Variants in TTC7B observed in about 807,000 individuals in gnomAD.
The protein encoded by TTC7B is tetratricopeptide repeat protein 7B.
In TTC7B, 28 loss-of-function variants were observed where a neutral mutation model predicts 106.8. The ratio of observed to expected loss-of-function variants is 0.26; its 90% CI spans 0.19 to 0.36. The LOEUF (loss-of-function observed/expected upper bound fraction) is 0.36, where lower values mean the gene tolerates loss of function less well. Ranked by LOEUF, TTC7B falls within the 10% of genes least tolerant of loss-of-function variation. The pLI is 1.00. For synonymous variants in TTC7B, 405 were observed against 430.6 expected (o/e 0.94, Z 0.74); for missense variants, 862 against 1,076.4 (o/e 0.80, Z 2.79).
rs532515825 is a variant in TTC7B at position 90,593,707 on chromosome 14, G to A, written c.1967-81C>T. 1.6e-5 allele frequency: 21 copies of A among 1,347,502 alleles called. No homozygotes were observed. The South Asian group carries it at 1.7e-4, about 11-fold the overall frequency. 83.5% of individuals were successfully genotyped at this position (1,347,502 alleles called of 1,614,324 possible). On this transcript the variant is annotated intron_variant, in intron 17 of 19. Coordinates refer to ENST00000328459, the MANE Select transcript of TTC7B (RefSeq NM_001010854.2). Reference sequence around the variant, plus strand: ...TCAACCCCTTCCCACACAGACAAGCGCGGAACACACACACCCCTTCCCCCA... The same window carrying A: ...TCAACCCCTTCCCACACAGACAAGCACGGAACACACACACCCCTTCCCCCA...
At chr14:90,613,719 T>C (rs1314467874) in intron 16 of TTC7B, among the ~76,000 whole-genome samples, 1 of 152,178 alleles carries the variant, frequency 6.6e-6, no homozygotes, top group African/African-American at 2.4e-5. Context: ...GCCGGGCCCT[T>C]AGGCTGCCAG....
intron 5 of TTC7B, among the ~76,000 whole-genome samples, chr14:90,711,898 A>G (rs1436406808): frequency 1.3e-5 from 2 of 152,218 alleles, no homozygotes; most frequent in Non-Finnish European, 1.5e-5. Flanking sequence ...TGTAAATCCA[A>G]TCATATCAAT....
intron 15 of TTC7B, among the ~76,000 whole-genome samples, chr14:90,622,333 G>A (rs543025636): frequency 9.9e-5 from 15 of 152,030 alleles, no homozygotes; most frequent in Admixed American, 8.5e-4. Context: ...TGGGCAGGCT[G>A]GCCTTGAACT....
intron 1 of TTC7B, among the ~76,000 whole-genome samples, chr14:90,801,221 T>G (rs1180155705): frequency 2.3e-5 from 1 of 44,228 alleles, no homozygotes; most frequent in Admixed American, 3.3e-4. Flanking sequence ...CAAGACCCTA[T>G]CAAAAAAAAA....
chr14:90,744,675 T>C lies in TTC7B; in HGVS notation c.576+117A>G. On this transcript the variant is annotated intron_variant, in intron 4 of 19. Transcript: ENST00000328459. ...TCTCCTTAGCTTTAAGGAGTACAAGTAAAGCTTTGCACACAGAGACAGACA... is the reference window on the plus strand; with the variant it reads ...TCTCCTTAGCTTTAAGGAGTACAAGCAAAGCTTTGCACACAGAGACAGACA... The C allele has an allele frequency of 2.7e-6, 3 of 1,098,196 alleles. No individual in the cohort carries two copies. In the South Asian group the frequency reaches 4.5e-5, roughly 17 times the overall value. The allele number at this position is 1,098,196 out of a possible 1,614,324, so 68.0% of individuals were successfully genotyped here.
intron 5 of TTC7B, among the ~76,000 whole-genome samples, chr14:90,695,792 T>C (rs1887722318): frequency 6.6e-6 from 1 of 151,800 alleles, no homozygotes; most frequent in Non-Finnish European, 1.5e-5. Context: ...GCACATTTTC[T>C]CTAAAAAATA....
intron 5 of TTC7B, among the ~76,000 whole-genome samples, chr14:90,708,500 T>C (rs1052368441): frequency 2.0e-5 from 3 of 152,170 alleles, no homozygotes; most frequent in Non-Finnish European, 4.4e-5. Context: ...GCTCTGTAAA[T>C]GGAACAATAA....
rs942877614 is a variant in TTC7B at position 90,808,206 on chromosome 14, G to A, written c.121+7969C>T. On this transcript the variant is annotated intron_variant, in intron 1 of 19. Coordinates refer to ENST00000328459, the MANE Select transcript of TTC7B (RefSeq NM_001010854.2). This position sits in a 1 kb window ranked among gnomAD's most constrained non-coding sequence, Gnocchi z 4.2. ...CACGCCTGTAATCCCAGCACTTTGG[G>A]AGGCCGAGGGAAGAAGATCACTTGA... Among the ~76,000 whole-genome samples, 1 of 152,222 alleles carries A rather than the reference G, an allele frequency of 6.6e-6. No homozygotes were observed. Among genetic ancestry groups the A allele is most frequent in the Non-Finnish European group, 1.5e-5 (1 of 68,052 alleles).
At chr14:90,728,413 G>T (rs1889196837) in intron 5 of TTC7B, among the ~76,000 whole-genome samples, 1 of 148,628 alleles carries the variant, frequency 6.7e-6, no homozygotes, top group South Asian at 2.1e-4. Flanking sequence ...AGAGCCCAGA[G>T]AGAAGAGCAA....
chr14:90,755,785 C>T (rs1218361844), intron 3 of TTC7B, among the ~76,000 whole-genome samples: 1 of 152,252 alleles, frequency 6.6e-6, no homozygotes, highest in Admixed American at 6.5e-5. Context: ...AGCTGCTTAA[C>T]ATCACACAGA....
At chr14:90,774,182 C>T (rs1482302684) in intron 3 of TTC7B, among the ~76,000 whole-genome samples, 3 of 152,122 alleles carry the variant, frequency 2.0e-5, no homozygotes, top group African/African-American at 7.2e-5. Context: ...ACCGAGATGT[C>T]TGAGGATCAC....
rs1889461869 is a variant in TTC7B at position 90,538,186 on chromosome 14, G to C, written c.*3182C>G. ...GGTAATTCCACAATGACCCCAGGCAGGTGTCCTGCCGTCTTAGTGTCTAGC... is the reference window on the plus strand; with the variant it reads ...GGTAATTCCACAATGACCCCAGGCACGTGTCCTGCCGTCTTAGTGTCTAGC... On this transcript the variant is annotated 3_prime_UTR_variant, in exon 20 of 20. Coordinates refer to ENST00000328459, the MANE Select transcript of TTC7B (RefSeq NM_001010854.2). 1 of 152,238 alleles carries C rather than the reference G, an allele frequency of 6.6e-6. No individual in the cohort carries two copies. The highest frequency in any genetic ancestry group is 1.5e-5 in the Non-Finnish European group (1 of 68,064). 9.4% of individuals were successfully genotyped at this position (152,238 alleles called of 1,614,324 possible). A position where few individuals can be genotyped will look rare whatever the true frequency, so the allele number is the denominator to read the frequency against.
At chr14:90,730,481 C>T (rs527408206) in intron 4 of TTC7B, among the ~76,000 whole-genome samples, 5 of 152,216 alleles carry the variant, frequency 3.3e-5, no homozygotes, top group South Asian at 2.1e-4. Context: ...GCACTAGAGG[C>T]GGAGAGGCCC....
In TTC7B at chr14:90,807,052, T is replaced by G. The variant is rs529897486; in HGVS notation, c.121+9123A>C. The stretch of plus-strand genomic sequence containing the variant: ...CTCCTGCCCGGGGTTCCTTTCCCCT[T>G]TGCTAAAATACCTCTATCTACCTGA... On this transcript the variant is annotated intron_variant, in intron 1 of 19. Coordinates refer to ENST00000328459, the MANE Select transcript of TTC7B (RefSeq NM_001010854.2). This position sits in a 1 kb window ranked among gnomAD's most constrained non-coding sequence, Gnocchi z 4.1. Among the ~76,000 whole-genome samples, 11 of 152,144 alleles carry G rather than the reference T, an allele frequency of 7.2e-5. No individual in the cohort carries two copies. The highest frequency in any genetic ancestry group is 1.3e-4 in the Non-Finnish European group (9 of 68,032).
rs552589422 is a variant in TTC7B, at chr14:90,588,155, G to T, written c.2107+5331C>A. ...TTCATCTCGTCACGAATGGGGCAAG[G>T]CTACGGGATTACCCCTTGACCCTGC... On this transcript the variant is annotated intron_variant, in intron 18 of 19. Coordinates refer to ENST00000328459, the MANE Select transcript of TTC7B (RefSeq NM_001010854.2). Among the ~76,000 whole-genome samples the T allele has an allele frequency of 4.6e-5, 7 of 152,328 alleles. No homozygotes were observed. In the East Asian group the frequency reaches 1.2e-3, roughly 25 times the overall value.
intron 4 of TTC7B, among the ~76,000 whole-genome samples, chr14:90,743,756 C>G (rs1343226915): frequency 6.8e-6 from 1 of 147,628 alleles, no homozygotes; most frequent in Non-Finnish European, 1.5e-5. Flanking sequence ...GAAGTAGGAA[C>G]TATGATTATG....
intron 5 of TTC7B, among the ~76,000 whole-genome samples, chr14:90,719,481 T>G (rs1888799392): frequency 6.6e-6 from 1 of 152,236 alleles, no homozygotes; most frequent in South Asian, 2.1e-4. Flanking sequence ...TCCCTGAGTG[T>G]GCTGATTCTT....
chr14:90,703,521 T>C (rs770400098), intron 5 of TTC7B, among the ~76,000 whole-genome samples: 1 of 151,492 alleles, frequency 6.6e-6, no homozygotes, highest in Non-Finnish European at 1.5e-5. Context: ...CCAACACAAC[T>C]CTGGCGACCA....
chr14:90,675,097 G>GC lies in TTC7B; in HGVS notation c.1152+1425dup, dbSNP rs370128195. On this transcript the variant is annotated intron_variant, in intron 9 of 19. Coordinates refer to ENST00000328459, the MANE Select transcript of TTC7B (RefSeq NM_001010854.2). ...TAGAACGTTCACAGAACAATGGGAA[G>GC]CCCAGGGGCAGAGACCACCCAGCCA... The GC allele has an allele frequency of 7.3e-3, 1,112 of 152,580 alleles. 5 individuals are homozygous for GC. The highest frequency in any genetic ancestry group is 0.012 in the Non-Finnish European group (826 of 68,226). The allele number at this position is 152,580 out of a possible 1,614,324, so 9.5% of individuals were successfully genotyped here.
Sources: gnomAD v4.1 joint callset for allele counts (sites outside exome capture counted in the v4.1 genomes callset) on GRCh38, gnomAD v4.1.1 for gene constraint, Gnocchi (gnomAD v3.1) non-coding constraint, MANE v1.5 for transcripts, NCBI Gene and HGNC (gene_info 2026-07-23, HGNC 2026-07-21) for gene names.